Variants in SLC16A14 observed in about 807,000 individuals in gnomAD.
SLC16A14 encodes monocarboxylate transporter 14.
A neutral mutation model predicts 35.8 loss-of-function variants in SLC16A14; 14 were observed. The ratio of observed to expected loss-of-function variants is 0.39; its 90% CI spans 0.26 to 0.61. The LOEUF (loss-of-function observed/expected upper bound fraction) is 0.61, where lower values mean the gene tolerates loss of function less well. SLC16A14 is among the 20% of genes least tolerant of loss of function. The pLI, the probability that SLC16A14 is intolerant of heterozygous loss-of-function variation, is 0.51. For missense variants in SLC16A14, 533 were observed against 655.0 expected (o/e 0.81, Z 2.03); for synonymous variants, 248 against 258.9 (o/e 0.96, Z 0.40).
intron 4 of SLC16A14, 78 bp downstream of exon 4, chr2:230,045,667 C>T: frequency 4.7e-6 from 7 of 1,503,336 alleles, no homozygotes; most frequent in Non-Finnish European, 6.4e-6. Context: ...TGGAAACCTT[C>T]TTCTTTATCT....
At chr2:230,052,180 C>T (rs1483639167) in intron 2 of SLC16A14, among the ~76,000 whole-genome samples, 1 of 152,128 alleles carries the variant, frequency 6.6e-6, no homozygotes, top group Non-Finnish European at 1.5e-5. Context: ...CGTGATCCGC[C>T]CGTCTCGGCC....
intron 2 of SLC16A14, among the ~76,000 whole-genome samples, chr2:230,050,812 T>A (rs996964345): frequency 1.3e-5 from 2 of 152,244 alleles, no homozygotes; most frequent in African/African-American, 4.8e-5. Flanking sequence ...TTAACAACCA[T>A]GTAAACTAAG....
Position 230,035,887 on chromosome 2 carries a change from CAGA to C in SLC16A14, c.*1490_*1492del, listed in dbSNP as rs2106235045. Reference sequence around the variant, plus strand: ...TCCATTGAATCACTTGTTAACAGCTCAGAAGGGCATGGTTGAGTATAACTGAAA... The same window carrying C: ...TCCATTGAATCACTTGTTAACAGCTCAGGGCATGGTTGAGTATAACTGAAA... On this transcript the variant is annotated 3_prime_UTR_variant, in exon 5 of 5. Transcript: ENST00000295190. 6.6e-6 allele frequency: 1 copy of C among 152,582 alleles called. No individual in the cohort carries two copies. Among genetic ancestry groups the C allele is most frequent in the South Asian group, 2.1e-4 (1 of 4,810 alleles). The allele number at this position is 152,582 out of a possible 1,614,324, so 9.5% of individuals were successfully genotyped here. A position where few individuals can be genotyped will look rare whatever the true frequency, so the allele number is the denominator to read the frequency against.
intron 2 of SLC16A14, among the ~76,000 whole-genome samples, chr2:230,055,138 G>A (rs2077694539): frequency 6.6e-6 from 1 of 152,190 alleles, no homozygotes; most frequent in African/African-American, 2.4e-5. Flanking sequence ...CCTTCAGTAA[G>A]TTACTTAATG....
At position 230,045,695 on chromosome 2, in the gene SLC16A14, C is replaced by A. The variant is rs114821206; in HGVS notation, c.1381+50G>T. 26 of 1,602,346 alleles carry A rather than the reference C, an allele frequency of 1.6e-5. No individual in the cohort carries two copies. The Middle Eastern group carries it at 2.0e-3, about 123-fold the overall frequency. On this transcript the variant is annotated intron_variant, in intron 4 of 4. Transcript: ENST00000295190. The stretch of plus-strand genomic sequence containing the variant: ...CTTTATCTGGGACTTTATAACATAA[C>A]GCACCATATGTACATGCACTCTGAG...
chr2:230,064,830 G>C (rs767830757), intron 1 of SLC16A14, among the ~76,000 whole-genome samples: 4 of 152,066 alleles, frequency 2.6e-5, no homozygotes, highest in Non-Finnish European at 5.9e-5. Context: ...GACCAACATG[G>C]AGAAACCCTG....
At position 230,059,110 on chromosome 2, in the gene SLC16A14, G is replaced by A; in HGVS notation, c.243C>T (p.Gly81=). 1 of 1,612,666 alleles carries A rather than the reference G, an allele frequency of 6.2e-7. No homozygotes were observed. The highest frequency in any genetic ancestry group is 8.5e-7 in the Non-Finnish European group (1 of 1,179,334). The change falls in exon 2 of 5, where the codon GGC becomes GGT. Residue 81 remains glycine (G), a synonymous_variant. Coordinates refer to ENST00000295190, the MANE Select transcript of SLC16A14 (RefSeq NM_152527.5). ...LTAWVSSLSM[G]ITLIVGPFIG... ...TGAACATACCCACTATCAAGGTGAT[G>A]CCCATGCTGAGGGAGCTGACCCAGG...
At chr2:230,063,290 CAAAAAAAAAAAAAAA>C in intron 1 of SLC16A14, among the ~76,000 whole-genome samples, 1 of 100,642 alleles carries the variant, frequency 9.9e-6, no homozygotes, top group Non-Finnish European at 1.9e-5. Context: ...AACTCTGTCT[CAAAAAAAAAAAAAAA>C]AAAAAAAAGC....
chr2:230,048,292 A>G (rs1377459267), intron 3 of SLC16A14, among the ~76,000 whole-genome samples: 1 of 152,252 alleles, frequency 6.6e-6, no homozygotes, highest in East Asian at 1.9e-4. Context: ...TAATAATGAA[A>G]AAAGAAAAGC....
Position 230,049,451 on chromosome 2 carries a change from C to T in SLC16A14, c.403+310G>A, listed in dbSNP as rs370975152. On this transcript the variant is annotated intron_variant, in intron 3 of 4. Coordinates refer to ENST00000295190, the MANE Select transcript of SLC16A14 (RefSeq NM_152527.5). ...TCTTTGGTCCATTCACCTAAGTCAA[C>T]GTTACTGCCTTCCTTTTCCTATTCC... Among the ~76,000 whole-genome samples the T allele has an allele frequency of 1.4e-4, 21 of 152,246 alleles. No homozygotes were observed. The Middle Eastern group carries it at 0.014, about 99-fold the overall frequency.
At chr2:230,059,426 C>T (rs1235951321) in intron 1 of SLC16A14, 60 bp from the exon 2 acceptor site, 1 of 1,310,864 alleles carries the variant, frequency 7.6e-7, no homozygotes, top group East Asian at 2.4e-5. Flanking sequence ...TCTTCATCTT[C>T]TTTGTGCAGC....
intron 1 of SLC16A14, among the ~76,000 whole-genome samples, chr2:230,062,920 G>C (rs2077762376): frequency 6.6e-6 from 1 of 152,116 alleles, no homozygotes; most frequent in Non-Finnish European, 1.5e-5. Flanking sequence ...TCTTGGCCTG[G>C]GTCCTTCCTC....
chr2:230,061,079 C>A (rs1296917023), intron 1 of SLC16A14, among the ~76,000 whole-genome samples: 1 of 152,294 alleles, frequency 6.6e-6, no homozygotes, highest in East Asian at 1.9e-4. Flanking sequence ...GGTCCCACTG[C>A]CCAGCTATGG....
intron 2 of SLC16A14, 112 bp downstream of exon 2, chr2:230,058,982 G>A (rs2077729225): frequency 1.4e-6 from 2 of 1,475,396 alleles, no homozygotes; most frequent in African/African-American, 1.4e-5. Flanking sequence ...TTGAAAAATA[G>A]TAGCTAGTAA....
chr2:230,053,353 T>C (rs2077677942), intron 2 of SLC16A14, among the ~76,000 whole-genome samples: 1 of 152,216 alleles, frequency 6.6e-6, no homozygotes, highest in Non-Finnish European at 1.5e-5. Context: ...GGGGGAATCA[T>C]ACAATTGAGA....
In SLC16A14 at chr2:230,035,479, T is replaced by C. The variant is rs776825234; in HGVS notation, c.*1901A>G. The C allele has an allele frequency of 2.6e-5, 4 of 152,670 alleles. No individual in the cohort carries two copies. Among genetic ancestry groups the C allele is most frequent in the African/African-American group, 4.8e-5 (2 of 41,464 alleles). 9.5% of individuals were successfully genotyped at this position (152,670 alleles called of 1,614,324 possible). ...ATGAAGCAATGTAGTTTTTAAAACA[T>C]ACAACATGTGTTTCAATCTAATCAT... On this transcript the variant is annotated 3_prime_UTR_variant, in exon 5 of 5. Transcript: ENST00000295190.
chr2:230,060,247 G>C lies in SLC16A14; in HGVS notation c.-14-881C>G, dbSNP rs540787672. Among the ~76,000 whole-genome samples, 8 of 152,298 alleles carry C rather than the reference G, an allele frequency of 5.3e-5. No homozygotes were observed. The South Asian group carries it at 1.7e-3, about 32-fold the overall frequency. ...TCTTGTACATAATGAACAGCCATTG[G>C]ACATAATGAGATGGGTACTTTGCAT... On this transcript the variant is annotated intron_variant, in intron 1 of 4. Transcript: ENST00000295190.
intron 2 of SLC16A14, among the ~76,000 whole-genome samples, chr2:230,052,129 G>T (rs961667282): frequency 1.3e-5 from 2 of 151,982 alleles, no homozygotes; most frequent in Non-Finnish European, 2.9e-5. Context: ...TAGAGACGGG[G>T]TTTCACCGTG....
At chr2:230,067,534 T>TTCTCTCTCTCTCTCTCTC (rs145179402) in intron 1 of SLC16A14, among the ~76,000 whole-genome samples, 121 of 128,374 alleles carry the variant, frequency 9.4e-4, no homozygotes, top group African/African-American at 3.7e-3. Context: ...CTCCCCTCTC[T>TTCTCTCTCTCTCTCTCTC]TCTCTCTCTC....
Sources: gnomAD v4.1 joint callset for allele counts (sites outside exome capture counted in the v4.1 genomes callset) on GRCh38, gnomAD v4.1.1 for gene constraint, MANE v1.5 for transcripts, NCBI Gene and HGNC (gene_info 2026-07-23, HGNC 2026-07-21) for gene names.